KLF7: variants seen among roughly 807,000 people sequenced by gnomAD.
KLF7 encodes the protein KLF transcription factor 7.
In KLF7, 2 loss-of-function variants were observed where a neutral mutation model predicts 27.3. The observed-to-expected ratio is 0.07, with a 90% CI of 0.03 to 0.23. The LOEUF is 0.23. Ranked by LOEUF, KLF7 falls within the 10% of genes least tolerant of loss-of-function variation. KLF7 has a pLI of 1.00. For missense variants in KLF7, 221 were observed against 394.1 expected (o/e 0.56, Z 3.72); for synonymous variants, 165 against 162.4 (o/e 1.02, Z -0.12).
chr2:207,108,342 C>G (rs1266092044), intron 2 of KLF7, among the ~76,000 whole-genome samples: 1 of 152,062 alleles, frequency 6.6e-6, no homozygotes, highest in East Asian at 1.9e-4. Context: ...GGGGCCCCGC[C>G]AATTCTAACG....
At chr2:207,149,566 G>A (rs780080978) in intron 1 of KLF7, among the ~76,000 whole-genome samples, 7 of 152,244 alleles carry the variant, frequency 4.6e-5, no homozygotes, top group Non-Finnish European at 8.8e-5. Flanking sequence ...CTCACAGACA[G>A]AGCTGCAGAT....
At chr2:207,172,672 T>C in the KLF7 span, among the ~76,000 whole-genome samples, 1 of 152,222 alleles carries the variant, frequency 6.6e-6, no homozygotes, top group Admixed American at 6.5e-5. Context: ...CAAGGGTCTC[T>C]ATTAGTTTTT....
chr2:207,080,230 G>A lies in KLF7; in HGVS notation c.*983C>T, dbSNP rs1010818402. 2 of 152,180 alleles carry A rather than the reference G, an allele frequency of 1.3e-5. No individual in the cohort carries two copies. Among genetic ancestry groups the A allele is most frequent in the African/African-American group, 4.8e-5 (2 of 41,434 alleles). The allele number at this position is 152,180 out of a possible 1,614,324, so 9.4% of individuals were successfully genotyped here. Reference sequence around the variant, plus strand: ...GCCGAGAGAGTCCTGGAGAGGTTTAGTCCATGGAGAAAAGATAAAACATTT... The same window carrying A: ...GCCGAGAGAGTCCTGGAGAGGTTTAATCCATGGAGAAAAGATAAAACATTT... On this transcript the variant is annotated 3_prime_UTR_variant, in exon 4 of 4. Transcript: ENST00000309446.
intron 2 of KLF7, among the ~76,000 whole-genome samples, chr2:207,116,823 T>C (rs1205488384): frequency 6.6e-6 from 1 of 152,176 alleles, no homozygotes; most frequent in East Asian, 1.9e-4. Flanking sequence ...TTACTTTCAC[T>C]GCCTTTTCTG....
intron 1 of KLF7, among the ~76,000 whole-genome samples, chr2:207,128,515 A>G (rs1448488447): frequency 6.6e-6 from 1 of 152,244 alleles, no homozygotes; most frequent in Non-Finnish European, 1.5e-5. Flanking sequence ...GTATCTGCCT[A>G]GTTTCAAAGT....
chr2:207,148,219 T>C (rs1310271103), intron 1 of KLF7, among the ~76,000 whole-genome samples: 1 of 152,236 alleles, frequency 6.6e-6, no homozygotes, highest in Non-Finnish European at 1.5e-5. Context: ...ATTTCTCATG[T>C]GGAAGTTTGA....
At chr2:207,141,973 C>G (rs2300940) in intron 1 of KLF7, among the ~76,000 whole-genome samples, 20,987 of 151,804 alleles carry the variant, frequency 0.14, 1,499 homozygotes, top group Middle Eastern at 0.17. Flanking sequence ...CTCCTCCTGC[C>G]CCGCAGTACT....
intron 2 of KLF7, among the ~76,000 whole-genome samples, chr2:207,122,691 C>G (rs1205433109): frequency 6.6e-6 from 1 of 152,164 alleles, no homozygotes; most frequent in Non-Finnish European, 1.5e-5. Flanking sequence ...TCTTTGGAGG[C>G]ACAGCCCAGA....
At chr2:207,130,060 A>G (rs77878703) in intron 1 of KLF7, among the ~76,000 whole-genome samples, 4,053 of 152,316 alleles carry the variant, frequency 0.027, 197 homozygotes, top group East Asian at 0.12. Context: ...ATCACCAATT[A>G]CGTGGAACTT....
chr2:207,093,671 G>A (rs1559115263), intron 2 of KLF7, among the ~76,000 whole-genome samples: 1 of 152,198 alleles, frequency 6.6e-6, no homozygotes, highest in Non-Finnish European at 1.5e-5. Flanking sequence ...TGTTCACTGT[G>A]ATACCAACAG....
intron 2 of KLF7, among the ~76,000 whole-genome samples, chr2:207,113,019 A>G (rs1234893887): frequency 6.6e-6 from 1 of 152,262 alleles, no homozygotes; most frequent in African/African-American, 2.4e-5. Context: ...TTACTCCTTC[A>G]TAATAAAACA....
intron 1 of KLF7, among the ~76,000 whole-genome samples, chr2:207,132,675 T>A (rs1164062880): frequency 6.6e-6 from 1 of 152,158 alleles, no homozygotes; most frequent in Non-Finnish European, 1.5e-5. Context: ...TTGCAGTGCA[T>A]AAAAGAAATT....
At chr2:207,142,849 T>C (rs1205855391) in intron 1 of KLF7, among the ~76,000 whole-genome samples, 1 of 152,236 alleles carries the variant, frequency 6.6e-6, no homozygotes, top group Non-Finnish European at 1.5e-5. Flanking sequence ...AAATGTCTTC[T>C]ATTTTTGGCT....
At chr2:207,099,850 T>C (rs2076722315) in intron 2 of KLF7, among the ~76,000 whole-genome samples, 1 of 151,788 alleles carries the variant, frequency 6.6e-6, no homozygotes, top group Non-Finnish European at 1.5e-5. Flanking sequence ...CCAAATGAGA[T>C]CAGATGTGGT....
chr2:207,157,199 A>G (rs1015763687), intron 1 of KLF7, among the ~76,000 whole-genome samples: 19 of 150,632 alleles, frequency 1.3e-4, no homozygotes, highest in African/African-American at 4.2e-4. Context: ...CTTAACAAGA[A>G]AAATGACACA....
chr2:207,173,069 G>C, the KLF7 span, among the ~76,000 whole-genome samples: 4 of 151,844 alleles, frequency 2.6e-5, no homozygotes, highest in Non-Finnish European at 5.9e-5. Flanking sequence ...GAAAATGTGA[G>C]TGTCAGAGAG....
chr2:207,095,388 C>T (rs1180735631), intron 2 of KLF7, among the ~76,000 whole-genome samples: 1 of 152,182 alleles, frequency 6.6e-6, no homozygotes, highest in Non-Finnish European at 1.5e-5. Flanking sequence ...ATAACTGGTC[C>T]TGGGTTAGGT....
intron 1 of KLF7, among the ~76,000 whole-genome samples, chr2:207,144,343 T>G (rs2078037160): frequency 6.6e-6 from 1 of 152,160 alleles, no homozygotes; most frequent in African/African-American, 2.4e-5. Flanking sequence ...AGTCACAAAT[T>G]TTAAAGCATC....
intron 3 of KLF7, 87 bp from the exon 4 acceptor site, chr2:207,081,351 T>G: frequency 1.7e-6 from 2 of 1,157,600 alleles, no homozygotes; most frequent in Non-Finnish European, 2.6e-6. Context: ...TTTCCCTTAC[T>G]TTAAACAGAG....
Sources: gnomAD v4.1 joint callset for allele counts (sites outside exome capture counted in the v4.1 genomes callset) on GRCh38, gnomAD v4.1.1 for gene constraint, MANE v1.5 for transcripts, NCBI Gene and HGNC (gene_info 2026-07-23, HGNC 2026-07-21) for gene names.